Variants in BMP6 observed in about 807,000 individuals in gnomAD.
BMP6 encodes bone morphogenetic protein 6.
In BMP6, 17 loss-of-function variants were observed where a neutral mutation model predicts 54.1. The observed-to-expected ratio is 0.31, with a 90% confidence interval of 0.22 to 0.47. The LOEUF is 0.47. Among genes scored for constraint, BMP6 ranks in the 20% least tolerant of loss-of-function variants. BMP6 has a pLI of 1.00. For synonymous variants in BMP6, 328 were observed against 291.2 expected (o/e 1.13, Z -1.28); for missense variants, 720 against 690.4 (o/e 1.04, Z -0.48).
At chr6:7,786,090 C>T (rs536006649) in intron 1 of BMP6, among the ~76,000 whole-genome samples, 10 of 152,314 alleles carry the variant, frequency 6.6e-5, no homozygotes, top group African/African-American at 2.2e-4. Context: ...AGGGAAAGCA[C>T]GTACACGCGT....
Position 7,726,828 on chromosome 6 carries a change from A to G in BMP6, c.-128A>G, listed in dbSNP as rs1761733163. The G allele has an allele frequency of 8.7e-6, 4 of 461,534 alleles. No homozygotes were observed. The highest frequency in any genetic ancestry group is 1.2e-5 in the Non-Finnish European group (4 of 340,290). The allele number at this position is 461,534 out of a possible 1,614,324, so 28.6% of individuals were successfully genotyped here. On this transcript the variant is annotated 5_prime_UTR_variant, in exon 1 of 7. Transcript: ENST00000283147. ...TGAGAGATAAGGACTGAGGGCCAGGAAGGGGAAGCGAGCCCGCCGAGAGGT... is the reference window on the plus strand; with the variant it reads ...TGAGAGATAAGGACTGAGGGCCAGGGAGGGGAAGCGAGCCCGCCGAGAGGT...
chr6:7,880,375 G>A lies in BMP6; in HGVS notation c.*32G>A, dbSNP rs1759696768. ...ACCAGATGCTGGGGACACACATTCT[G>A]CCTTGGATTCCTAGATTACATCTGC... On this transcript the variant is annotated 3_prime_UTR_variant, in exon 7 of 7. Coordinates refer to ENST00000283147, the MANE Select transcript of BMP6 (RefSeq NM_001718.6). 1 of 1,611,848 alleles carries A rather than the reference G, an allele frequency of 6.2e-7. No homozygotes were observed. Among genetic ancestry groups the A allele is most frequent in the Non-Finnish European group, 8.5e-7 (1 of 1,178,180 alleles).
chr6:7,873,439 G>T (rs1759561476), intron 4 of BMP6, among the ~76,000 whole-genome samples: 3 of 152,300 alleles, frequency 2.0e-5, no homozygotes, highest in Non-Finnish European at 2.9e-5. Flanking sequence ...ACCCTTTTGG[G>T]TGCACCGTCC....
intron 1 of BMP6, among the ~76,000 whole-genome samples, chr6:7,798,917 G>A (rs571060189): frequency 4.6e-5 from 7 of 152,326 alleles, no homozygotes; most frequent in Admixed American, 3.3e-4. Context: ...AACTCGGAAC[G>A]TGGTCACCAG....
chr6:7,761,898 C>G (rs1786617825), intron 1 of BMP6, among the ~76,000 whole-genome samples: 1 of 152,092 alleles, frequency 6.6e-6, no homozygotes, highest in Non-Finnish European at 1.5e-5. Context: ...CCTTGGATTT[C>G]TTTTCTTTTC....
At chr6:7,825,409 C>A (rs773749309) in intron 1 of BMP6, among the ~76,000 whole-genome samples, 4 of 152,186 alleles carry the variant, frequency 2.6e-5, no homozygotes, top group Non-Finnish European at 5.9e-5. Flanking sequence ...CTGGCCATCT[C>A]TGAGAACTTA....
At chr6:7,833,561 A>G (rs191204881) in intron 1 of BMP6, among the ~76,000 whole-genome samples, 17 of 152,290 alleles carry the variant, frequency 1.1e-4, no homozygotes, top group Admixed American at 1.0e-3. Flanking sequence ...TGGGCTGGAG[A>G]TAGAAATTTG....
chr6:7,856,120 T>TAAAAAAAAAAAAAAAAAAAAAAAA (rs56264814), intron 2 of BMP6, among the ~76,000 whole-genome samples: 3 of 83,654 alleles, frequency 3.6e-5, no homozygotes, highest in East Asian at 5.3e-4. Flanking sequence ...TCAAAGACTG[T>TAAAAAAAAAAAAAAAAAAAAAAAA]AAAAAAAAAA....
intron 1 of BMP6, among the ~76,000 whole-genome samples, chr6:7,772,925 ATCTC>A: frequency 6.6e-6 from 1 of 152,220 alleles, no homozygotes; most frequent in Non-Finnish European, 1.5e-5. Flanking sequence ...GACCCAATCT[ATCTC>A]CTTGTGGTGC....
At chr6:7,835,828 C>T (rs1758866066) in intron 1 of BMP6, among the ~76,000 whole-genome samples, 1 of 150,858 alleles carries the variant, frequency 6.6e-6, no homozygotes, top group African/African-American at 2.5e-5. Flanking sequence ...TACTGAGCAT[C>T]TCCCCAATTT....
intron 1 of BMP6, among the ~76,000 whole-genome samples, chr6:7,798,052 G>T (rs752429039): frequency 6.6e-6 from 1 of 152,170 alleles, no homozygotes; most frequent in Non-Finnish European, 1.5e-5. Flanking sequence ...AGCTAAATAT[G>T]CTCTAGTACT....
At chr6:7,813,149 A>ATATATATATATATATAT (rs1333428977) in intron 1 of BMP6, among the ~76,000 whole-genome samples, 2 of 107,882 alleles carry the variant, frequency 1.9e-5, no homozygotes, top group African/African-American at 3.6e-5. Flanking sequence ...ATATATATAT[A>ATATATATATATATATAT]AAATTAGTGG....
At chr6:7,753,949 TATCA>T (rs926722242) in intron 1 of BMP6, among the ~76,000 whole-genome samples, 2 of 152,312 alleles carry the variant, frequency 1.3e-5, no homozygotes, top group African/African-American at 4.8e-5. Context: ...CACTGTATGA[TATCA>T]ATCATTTTTA....
intron 2 of BMP6, among the ~76,000 whole-genome samples, chr6:7,848,796 G>A (rs983572159): frequency 1.3e-5 from 2 of 152,150 alleles, no homozygotes; most frequent in African/African-American, 4.8e-5. Flanking sequence ...GTATTGCATG[G>A]TGTTTAAAAG....
At chr6:7,795,119 G>A (rs1758173434) in intron 1 of BMP6, among the ~76,000 whole-genome samples, 1 of 152,198 alleles carries the variant, frequency 6.6e-6, no homozygotes, top group African/African-American at 2.4e-5. Flanking sequence ...GGGAGATAAA[G>A]CTCCTGCTGT....
Position 7,879,299 on chromosome 6 carries a change from C to T in BMP6, c.1281+149C>T, listed in dbSNP as rs1581296900. Reference sequence around the variant, plus strand: ...GTCCTGAGGAGCCCTCCCAAATGCTCAGGCTCCTGGAGTAAGGCAGAGGAA... The same window carrying T: ...GTCCTGAGGAGCCCTCCCAAATGCTTAGGCTCCTGGAGTAAGGCAGAGGAA... On this transcript the variant is annotated intron_variant, in intron 5 of 6. Transcript: ENST00000283147. 7.3e-6 allele frequency: 6 copies of T among 824,842 alleles called. No individual in the cohort carries two copies. The South Asian group carries it at 8.3e-5, about 11-fold the overall frequency. 51.1% of individuals were successfully genotyped at this position (824,842 alleles called of 1,614,324 possible).
chr6:7,761,690 G>A (rs1581236351), intron 1 of BMP6, among the ~76,000 whole-genome samples: 1 of 152,196 alleles, frequency 6.6e-6, no homozygotes, highest in East Asian at 1.9e-4. Flanking sequence ...AACCTTCAAG[G>A]CCCATCTCAA....
intron 1 of BMP6, among the ~76,000 whole-genome samples, chr6:7,843,416 A>G (rs907422742): frequency 4.6e-5 from 7 of 151,256 alleles, no homozygotes; most frequent in Admixed American, 4.6e-4. Flanking sequence ...CTGGGGAGTT[A>G]GCTCTTTTTT....
At chr6:7,869,906 G>C (rs1237588207) in intron 4 of BMP6, among the ~76,000 whole-genome samples, 1 of 152,182 alleles carries the variant, frequency 6.6e-6, no homozygotes, top group African/African-American at 2.4e-5. Flanking sequence ...AAGGGGATCA[G>C]CCAGAGGCGT....
Sources: allele counts gnomAD v4.1 joint callset (sites outside exome capture counted in the v4.1 genomes callset), GRCh38; gene constraint gnomAD v4.1.1; transcripts MANE v1.5; gene names NCBI Gene and HGNC (gene_info 2026-07-23, HGNC 2026-07-21).